BAZ2B: variants seen among roughly 807,000 people sequenced by gnomAD.
The protein encoded by BAZ2B is bromodomain adjacent to zinc finger domain protein 2B.
BAZ2B carries 91 observed loss-of-function variants against 246.0 expected under a neutral mutation model. The ratio of observed to expected loss-of-function variants is 0.37; its 90% CI spans 0.31 to 0.44. The LOEUF is 0.44. Ranked by LOEUF, BAZ2B falls within the 20% of genes least tolerant of loss-of-function variation. The pLI is 1.00. For missense variants in BAZ2B, 2,332 were observed against 2,533.7 expected (o/e 0.92, Z 1.71); for synonymous variants, 855 against 860.0 (o/e 0.99, Z 0.10).
chr2:159,398,702 A>C, intron 18 of BAZ2B, 127 bp downstream of exon 18: 1 of 763,886 alleles, frequency 1.3e-6, no homozygotes, highest in Non-Finnish European at 2.1e-6. Flanking sequence ...ATACACATGT[A>C]GTATCTGCTA....
intron 2 of BAZ2B, among the ~76,000 whole-genome samples, chr2:159,521,102 G>A (rs1652247581): frequency 1.3e-5 from 2 of 151,820 alleles, no homozygotes; most frequent in Non-Finnish European, 2.9e-5. Context: ...CCTGCAATAA[G>A]GAAAACCACT....
the BAZ2B span, among the ~76,000 whole-genome samples, chr2:159,660,149 C>T: frequency 6.6e-6 from 1 of 152,146 alleles, no homozygotes; most frequent in African/African-American, 2.4e-5. Context: ...AAGCTCTATT[C>T]TACTTTGTCT....
chr2:159,527,841 A>C (rs1340644369), intron 2 of BAZ2B, among the ~76,000 whole-genome samples: 1 of 152,166 alleles, frequency 6.6e-6, no homozygotes, highest in Non-Finnish European at 1.5e-5. Flanking sequence ...ACATGAGTGC[A>C]CCTGACTTAC....
chr2:159,602,156 C>T (rs775493019), intron 1 of BAZ2B, among the ~76,000 whole-genome samples: 1 of 152,014 alleles, frequency 6.6e-6, no homozygotes, highest in Admixed American at 6.6e-5. Context: ...GCAAGATAAA[C>T]CTAGGAGCCA....
chr2:159,385,332 C>T lies in BAZ2B; in HGVS notation c.3509G>A (p.Gly1170Asp), dbSNP rs1328073053. The T allele has an allele frequency of 1.2e-6, 2 of 1,612,994 alleles. No individual in the cohort carries two copies. Among genetic ancestry groups the T allele is most frequent in the African/African-American group, 2.7e-5 (2 of 74,840 alleles). Residue 1170 changes from glycine (G) to aspartate (D), a missense_variant, in exon 23 of 37, where the codon GGT becomes GAT. Transcript: ENST00000392783. ...CTCGGAAACATTGTCTCGATTCACA[C>T]CAACATTCAGCAAATGTTCTCCAAG... Reference protein sequence around the residue: ...TALGEHLLNVGVNRDNVSEIL... With the variant: ...TALGEHLLNVDVNRDNVSEIL...
the BAZ2B span, among the ~76,000 whole-genome samples, chr2:159,678,574 T>G: frequency 6.6e-6 from 1 of 152,072 alleles, no homozygotes; most frequent in African/African-American, 2.4e-5. Context: ...CTGAGGTAGG[T>G]AGGACTGCTT....
chr2:159,631,348 T>C, the BAZ2B span, among the ~76,000 whole-genome samples: 2 of 152,246 alleles, frequency 1.3e-5, no homozygotes, highest in African/African-American at 4.8e-5. Context: ...TAAAAATACA[T>C]CTTACTTGCA....
At position 159,479,292 on chromosome 2, in the gene BAZ2B, C is replaced by T. The variant is rs562544231; in HGVS notation, c.-2-571G>A. ...ATTTCAAAATGGCCTTAGTTGTGAC[C>T]CATTTAAAATGACAAAAGCACTTCT... On this transcript the variant is annotated intron_variant, in intron 2 of 36. Transcript: ENST00000392783. Among the ~76,000 whole-genome samples the T allele has an allele frequency of 3.9e-5, 6 of 152,128 alleles. No homozygotes were observed. In the East Asian group the frequency reaches 1.2e-3, roughly 29 times the overall value.
the BAZ2B span, among the ~76,000 whole-genome samples, chr2:159,644,584 T>A: frequency 6.6e-6 from 1 of 152,242 alleles, no homozygotes; most frequent in Non-Finnish European, 1.5e-5. Flanking sequence ...TTGAGAATAG[T>A]GCACATTTGC....
At chr2:159,594,196 G>A (rs1200687730) in intron 1 of BAZ2B, among the ~76,000 whole-genome samples, 1 of 152,224 alleles carries the variant, frequency 6.6e-6, no homozygotes, top group African/African-American at 2.4e-5. Flanking sequence ...CTTGTGGTCA[G>A]GGGATCGAGA....
intron 13 of BAZ2B, among the ~76,000 whole-genome samples, chr2:159,423,369 T>C (rs1314061848): frequency 6.6e-6 from 1 of 151,806 alleles, no homozygotes; most frequent in African/African-American, 2.4e-5. Context: ...AAAACAATAG[T>C]TGTTGGCAAG....
rs1472948801 is a variant in BAZ2B, at chr2:159,462,657, C to T, written c.146-8856G>A. The T allele has an allele frequency of 1.3e-5, 14 of 1,060,874 alleles. No individual in the cohort carries two copies. In the African/African-American group the frequency reaches 1.4e-4, roughly 11 times the overall value. The allele number at this position is 1,060,874 out of a possible 1,614,324, so 65.7% of individuals were successfully genotyped here. ...CTAACCAACTGAACACTGCCATCTTCGTAATAGTGAACCTGAATCTTAAGC... is the reference window on the plus strand; with the variant it reads ...CTAACCAACTGAACACTGCCATCTTTGTAATAGTGAACCTGAATCTTAAGC... On this transcript the variant is annotated intron_variant, in intron 3 of 36. Transcript: ENST00000392783.
intron 4 of BAZ2B, among the ~76,000 whole-genome samples, chr2:159,449,002 A>G (rs916697975): frequency 6.6e-6 from 1 of 152,166 alleles, no homozygotes; most frequent in African/African-American, 2.4e-5. Flanking sequence ...AGATTTCAAA[A>G]ACAAGTAATT....
chr2:159,568,252 A>C (rs1683116058), intron 1 of BAZ2B, among the ~76,000 whole-genome samples: 3 of 152,210 alleles, frequency 2.0e-5, no homozygotes, highest in African/African-American at 7.2e-5. Flanking sequence ...ATGTCCATAG[A>C]AAATCATATT....
intron 2 of BAZ2B, among the ~76,000 whole-genome samples, chr2:159,530,943 C>G (rs947323899): frequency 6.6e-6 from 1 of 152,016 alleles, no homozygotes; most frequent in Admixed American, 6.6e-5. Flanking sequence ...GCACTCTAGC[C>G]TGGGCAACAG....
the BAZ2B span, among the ~76,000 whole-genome samples, chr2:159,633,290 C>A: frequency 6.6e-6 from 1 of 151,902 alleles, no homozygotes; most frequent in Non-Finnish European, 1.5e-5. Context: ...GCATTCACAC[C>A]CCAAAGTATC....
chr2:159,556,855 A>G (rs1231656470), intron 1 of BAZ2B, among the ~76,000 whole-genome samples: 1 of 152,212 alleles, frequency 6.6e-6, no homozygotes. Flanking sequence ...TTTAAGGTTC[A>G]TAATGGACTT....
chr2:159,349,589 T>G (rs1468479455), intron 28 of BAZ2B, 119 bp downstream of exon 28: 1 of 1,195,762 alleles, frequency 8.4e-7, no homozygotes, highest in Non-Finnish European at 1.1e-6. Context: ...TTGTTTTAGT[T>G]TTCAAACTGT....
intron 34 of BAZ2B, among the ~76,000 whole-genome samples, chr2:159,329,606 A>AAGGTGTAT (rs1351306422): frequency 6.6e-6 from 1 of 152,216 alleles, no homozygotes; most frequent in Admixed American, 6.5e-5. Context: ...ACTTGAGAGC[A>AAGGTGTAT]AGGTGTATGT....
Sources: gnomAD v4.1 joint callset for allele counts (sites outside exome capture counted in the v4.1 genomes callset) on GRCh38, gnomAD v4.1.1 for gene constraint, MANE v1.5 for transcripts, NCBI Gene and HGNC (gene_info 2026-07-23, HGNC 2026-07-21) for gene names.